Variants in KRABD5 observed in about 807,000 individuals in gnomAD.
KRABD5 encodes KRAB domain-containing protein 5.
chr16:31,749,463 A>T, the KRABD5 span, among the ~76,000 whole-genome samples: 1 of 152,242 alleles, frequency 6.6e-6, no homozygotes, highest in Non-Finnish European at 1.5e-5. Context: ...AGGCAGATGC[A>T]GCTGTGGTGC....
chr16:31,723,590 A>G, the KRABD5 span, among the ~76,000 whole-genome samples: 2 of 152,224 alleles, frequency 1.3e-5, no homozygotes, highest in African/African-American at 4.8e-5. Context: ...AGTGACAGCC[A>G]AAGTGCTCCC....
chr16:31,754,032 A>G, the KRABD5 span: 5 of 1,116,768 alleles, frequency 4.5e-6, no homozygotes, highest in East Asian at 2.6e-5. Context: ...TGCTTTTTCT[A>G]AACCATGTGT....
the KRABD5 span, chr16:31,760,855 A>G: frequency 6.6e-6 from 1 of 152,178 alleles, no homozygotes; most frequent in East Asian, 1.9e-4. Flanking sequence ...TTGATTTCCT[A>G]AACTCAGCCC....
At chr16:31,747,756 C>T in the KRABD5 span, among the ~76,000 whole-genome samples, 1 of 152,216 alleles carries the variant, frequency 6.6e-6, no homozygotes, top group East Asian at 1.9e-4. Context: ...ATGCGCATTT[C>T]TTCGTGTGGC....
the KRABD5 span, among the ~76,000 whole-genome samples, chr16:31,741,551 A>G: frequency 2.0e-5 from 3 of 151,892 alleles, no homozygotes; most frequent in Non-Finnish European, 4.4e-5. Flanking sequence ...CATTTTTCTG[A>G]TGGGTAGTGA....
At chr16:31,719,128 A>C in the KRABD5 span, among the ~76,000 whole-genome samples, 1 of 152,208 alleles carries the variant, frequency 6.6e-6, no homozygotes, top group African/African-American at 2.4e-5. Flanking sequence ...CCATCTGGGA[A>C]CTTTCAGTCT....
chr16:31,753,279 T>C, the KRABD5 span, among the ~76,000 whole-genome samples: 1 of 152,204 alleles, frequency 6.6e-6, no homozygotes, highest in African/African-American at 2.4e-5. Context: ...CTACTGTCTC[T>C]CTGTTCTTGT....
At chr16:31,760,645 G>T in the KRABD5 span, 1 of 151,836 alleles carries the variant, frequency 6.6e-6, no homozygotes, top group Non-Finnish European at 1.5e-5. Flanking sequence ...TCTCTCTACA[G>T]ATCTATTTTT....
chr16:31,752,799 C>T, the KRABD5 span, among the ~76,000 whole-genome samples: 4 of 152,156 alleles, frequency 2.6e-5, no homozygotes, highest in South Asian at 2.1e-4. Flanking sequence ...GCCAGGAATT[C>T]GAGGTTCCAG....
chr16:31,753,950 G>A, the KRABD5 span: 4 of 1,548,814 alleles, frequency 2.6e-6, no homozygotes, highest in Middle Eastern at 1.7e-4. Context: ...CAAAATGTAA[G>A]ACAACTACCT....
At chr16:31,715,227 T>C in the KRABD5 span, among the ~76,000 whole-genome samples, 1 of 152,168 alleles carries the variant, frequency 6.6e-6, no homozygotes, top group Admixed American at 6.5e-5. Context: ...AACACATATT[T>C]TGTTTTGACC....
At chr16:31,754,681 T>C in the KRABD5 span, 1 of 458,820 alleles carries the variant, frequency 2.2e-6, no homozygotes, top group Non-Finnish European at 4.4e-6. Flanking sequence ...ATACTCAGCC[T>C]CAGAGAATCC....
At chr16:31,759,114 G>C in the KRABD5 span, 1 of 373,788 alleles carries the variant, frequency 2.7e-6, no homozygotes. Context: ...TAAAAAAGGA[G>C]ATAATTATAA....
the KRABD5 span, among the ~76,000 whole-genome samples, chr16:31,751,309 G>C: frequency 6.6e-6 from 1 of 152,154 alleles, no homozygotes; most frequent in African/African-American, 2.4e-5. Context: ...CTCATAGAAT[G>C]AAAGGGGAGG....
chr16:31,721,315 T>A, the KRABD5 span, among the ~76,000 whole-genome samples: 3 of 152,142 alleles, frequency 2.0e-5, no homozygotes, highest in African/African-American at 7.2e-5. Flanking sequence ...CATCATTTGA[T>A]CAGTTTTGTG....
At chr16:31,754,052 T>G in the KRABD5 span, 2 of 945,054 alleles carry the variant, frequency 2.1e-6, no homozygotes, top group Non-Finnish European at 3.3e-6. Flanking sequence ...TTTCTGTAAG[T>G]AAGTGTCAAC....
the KRABD5 span, among the ~76,000 whole-genome samples, chr16:31,752,952 A>G: frequency 6.6e-6 from 1 of 152,138 alleles, no homozygotes; most frequent in East Asian, 1.9e-4. Context: ...TAGTTAATAG[A>G]TTTCTGCTTC....
At chr16:31,737,411 A>G in the KRABD5 span, among the ~76,000 whole-genome samples, 1 of 150,538 alleles carries the variant, frequency 6.6e-6, no homozygotes, top group African/African-American at 2.4e-5. Context: ...GCTGATAGAA[A>G]ACCATCTGAA....
chr16:31,727,148 T>C, the KRABD5 span, among the ~76,000 whole-genome samples: 1 of 152,268 alleles, frequency 6.6e-6, no homozygotes, highest in African/African-American at 2.4e-5. Context: ...TCAGCTTTAC[T>C]GAATGAGTAT....
Sources: gnomAD v4.1 joint callset for allele counts (sites outside exome capture counted in the v4.1 genomes callset) on GRCh38, gnomAD v4.1.1 for gene constraint, MANE v1.5 for transcripts, NCBI Gene and HGNC (gene_info 2026-07-23, HGNC 2026-07-21) for gene names.